Variants in TRPV3 observed in about 807,000 individuals in gnomAD.
The protein encoded by TRPV3 is transient receptor potential cation channel subfamily V member 3, also known as VRL-3.
In TRPV3, 88 loss-of-function variants were observed where a neutral mutation model predicts 87.1. That is an observed-to-expected ratio of 1.01 (90% confidence interval 0.85 to 1.21). The LOEUF (loss-of-function observed/expected upper bound fraction) is 1.21. Among genes scored for constraint, TRPV3 ranks in the 50% most tolerant of loss-of-function variants. The probability of loss-of-function intolerance (pLI) is 0.00; values close to 1 mark genes in which losing one functional copy is unlikely to be tolerated. For synonymous variants in TRPV3, 438 were observed against 423.3 expected (o/e 1.03, Z -0.43); for missense variants, 1,054 against 1,030.1 (o/e 1.02, Z -0.32).
At chr17:3,534,569 C>T (rs1048810443) in intron 7 of TRPV3, among the ~76,000 whole-genome samples, 2 of 151,998 alleles carry the variant, frequency 1.3e-5, no homozygotes, top group Admixed American at 6.6e-5. Context: ...TGAACCAACT[C>T]GACGCACTGT....
At chr17:3,529,738 C>G (rs1461554879) in intron 9 of TRPV3, among the ~76,000 whole-genome samples, 1 of 152,122 alleles carries the variant, frequency 6.6e-6, no homozygotes, top group Non-Finnish European at 1.5e-5. Flanking sequence ...CACCCACACC[C>G]ACACCCAAAC....
chr17:3,535,243 CCCCTCCTTA>C (rs2074393014), intron 7 of TRPV3, among the ~76,000 whole-genome samples: 1 of 109,484 alleles, frequency 9.1e-6, no homozygotes, highest in Admixed American at 8.7e-5. Context: ...TCCCTCCCTC[CCCCTCCTTA>C]CTCCTCCTCC....
intron 13 of TRPV3, among the ~76,000 whole-genome samples, chr17:3,523,802 A>G (rs2074268487): frequency 6.6e-6 from 1 of 151,966 alleles, no homozygotes; most frequent in East Asian, 1.9e-4. Context: ...GTATATTTTC[A>G]TTATTTGCAA....
intron 6 of TRPV3, among the ~76,000 whole-genome samples, chr17:3,537,450 T>C (rs934244341): frequency 8.5e-5 from 13 of 152,314 alleles, no homozygotes; most frequent in African/African-American, 2.6e-4. Flanking sequence ...TTAAAATTTT[T>C]TGTAGAGACA....
In TRPV3 at chr17:3,528,007, G is replaced by T; in HGVS notation, c.1503+18C>A. 1 of 1,603,104 alleles carries T rather than the reference G, an allele frequency of 6.2e-7. No individual in the cohort carries two copies. ...CTGCCTCGCGGGGCGGTCTGGAAGG[G>T]CCGGGTGGCCCACTTACCTCTTTCA... On this transcript the variant is annotated intron_variant, in intron 11 of 17. Coordinates refer to ENST00000576742, the MANE Select transcript of TRPV3 (RefSeq NM_145068.4). The surrounding 1 kb of genome is among the most constrained non-coding windows in gnomAD (Gnocchi z 4.2).
intron 14 of TRPV3, among the ~76,000 whole-genome samples, chr17:3,519,988 G>A (rs2074232078): frequency 1.5e-5 from 2 of 132,580 alleles, no homozygotes; most frequent in African/African-American, 2.6e-5. Flanking sequence ...ATGGATGGAT[G>A]GATGGATGGA....
chr17:3,549,322 G>A (rs2074552035), intron 2 of TRPV3, among the ~76,000 whole-genome samples: 1 of 152,184 alleles, frequency 6.6e-6, no homozygotes, highest in Non-Finnish European at 1.5e-5. Flanking sequence ...TGAACAAGTG[G>A]ACAAAATTTC....
At chr17:3,524,488 AC>A in intron 12 of TRPV3, 125 bp from the exon 13 acceptor site, 3 of 1,203,558 alleles carry the variant, frequency 2.5e-6, no homozygotes, top group Non-Finnish European at 3.5e-6. Flanking sequence ...TGCTGAAGAG[AC>A]CAGAATCACG....
rs759313822 is a variant in TRPV3 at position 3,543,573 on chromosome 17, T to A, written c.367A>T (p.Ile123Phe). 6.2e-7 allele frequency: 1 copy of A among 1,614,170 alleles called. No homozygotes were observed. Among genetic ancestry groups the A allele is most frequent in the African/African-American group, 1.3e-5 (1 of 75,070 alleles). Reference sequence around the variant, plus strand: ...CAGCCCTCAGACACGGCTGCAAAGATGCGCTTCTTCAGCCGCCTCTTTTTC... The same window carrying A: ...CAGCCCTCAGACACGGCTGCAAAGAAGCGCTTCTTCAGCCGCCTCTTTTTC... ...RRKKRRLKKR[I>F]FAAVSEGCVE... Residue 123 changes from isoleucine (I) to phenylalanine (F), a missense_variant, in exon 5 of 18, where the codon ATC (isoleucine) becomes TTC (phenylalanine). By Grantham distance (21) the Ile-to-Phe change is conservative (BLOSUM62 0). Coordinates refer to ENST00000576742, the MANE Select transcript of TRPV3 (RefSeq NM_145068.4).
At chr17:3,550,253 G>A (rs2074561459) in intron 2 of TRPV3, among the ~76,000 whole-genome samples, 2 of 152,092 alleles carry the variant, frequency 1.3e-5, no homozygotes, top group African/African-American at 4.8e-5. Context: ...TCTCTCATAA[G>A]AAGATGAGGA....
At position 3,545,568 on chromosome 17, in the gene TRPV3, G is replaced by A. The variant is rs147325406; in HGVS notation, c.120-297C>T. On this transcript the variant is annotated intron_variant, in intron 2 of 17. Coordinates refer to ENST00000576742, the MANE Select transcript of TRPV3 (RefSeq NM_145068.4). ...TTTTGCCAAGGTTGAGGACACACCCGGGAAGAAGACACACAAGCCCCAGTA... is the reference window on the plus strand; with the variant it reads ...TTTTGCCAAGGTTGAGGACACACCCAGGAAGAAGACACACAAGCCCCAGTA... Among the ~76,000 whole-genome samples the A allele has an allele frequency of 2.0e-3, 301 of 152,168 alleles. 1 individual carries two copies. Among genetic ancestry groups the A allele is most frequent in the African/African-American group, 6.7e-3 (280 of 41,490 alleles).
chr17:3,514,326 G>A (rs1467317832), intron 17 of TRPV3: 7 of 518,098 alleles, frequency 1.4e-5, no homozygotes, highest in South Asian at 2.4e-5. Context: ...TGATTCACCC[G>A]ACTCGTCCTC....
In TRPV3 at chr17:3,517,490, G is replaced by A. The variant is rs562879602; in HGVS notation, c.2086-921C>T. Among the ~76,000 whole-genome samples the A allele has an allele frequency of 5.9e-5, 9 of 151,676 alleles. No homozygotes were observed. The South Asian group carries it at 6.3e-4, about 11-fold the overall frequency. On this transcript the variant is annotated intron_variant, in intron 15 of 17. Transcript: ENST00000576742. ...AAAAATGACCCAGGTGTGGTGGCGCGTGCCTGTAATCCCAGCTACTTGGGA... is the reference window on the plus strand; with the variant it reads ...AAAAATGACCCAGGTGTGGTGGCGCATGCCTGTAATCCCAGCTACTTGGGA...
rs1391173404 is a variant in TRPV3 at position 3,532,745 on chromosome 17, A to G, written c.977T>C (p.Leu326Pro). 6.2e-7 allele frequency: 1 copy of G among 1,614,156 alleles called. No homozygotes were observed. Among genetic ancestry groups the G allele is most frequent in the African/African-American group, 1.3e-5 (1 of 74,962 alleles). ...FVKRMYDMIL[L>P]RSGNWELETT... ...CTCCAGCTCCCAGTTGCCACTCCGC[A>G]GTAGGATCATGTCGTACATGCGCTT... is the stretch of plus-strand genomic sequence containing the variant. The change falls in exon 8 of 18, where the codon CTG becomes CCG. Residue 326 changes from leucine to proline, a missense_variant. Leu to Pro is a moderately conservative substitution (Grantham distance 98). Coordinates refer to ENST00000576742, the MANE Select transcript of TRPV3 (RefSeq NM_145068.4).
chr17:3,511,098 A>C lies in TRPV3; in HGVS notation c.*2819T>G, dbSNP rs548765059. 2 of 152,356 alleles carry C rather than the reference A, an allele frequency of 1.3e-5. No individual in the cohort carries two copies. The highest frequency in any genetic ancestry group is 4.8e-5 in the African/African-American group (2 of 41,570). 9.4% of individuals were successfully genotyped at this position (152,356 alleles called of 1,614,324 possible). A position where few individuals can be genotyped will look rare whatever the true frequency, so the allele number is the denominator to read the frequency against. On this transcript the variant is annotated 3_prime_UTR_variant, in exon 18 of 18. Coordinates refer to ENST00000576742, the MANE Select transcript of TRPV3 (RefSeq NM_145068.4). ...AACACCTTCCCCTGAAATTACTGAA[A>C]TGTCAATCACGGAGTTTTAGGATGT... is the stretch of plus-strand genomic sequence containing the variant.
At chr17:3,522,153 T>A (rs1329306451) in intron 13 of TRPV3, among the ~76,000 whole-genome samples, 1 of 152,214 alleles carries the variant, frequency 6.6e-6, no homozygotes, top group Non-Finnish European at 1.5e-5. Flanking sequence ...CGTCCAGTTA[T>A]TTCACTATAT....
intron 6 of TRPV3, among the ~76,000 whole-genome samples, chr17:3,542,043 G>A (rs888479537): frequency 6.6e-5 from 10 of 152,014 alleles, no homozygotes; most frequent in African/African-American, 2.4e-4. Context: ...TGCAACCTCC[G>A]CCTCCTGGGT....
At chr17:3,535,477 C>T in intron 7 of TRPV3, 96 bp downstream of exon 7, 1 of 1,306,902 alleles carries the variant, frequency 7.7e-7, no homozygotes, top group Non-Finnish European at 1.0e-6. Context: ...TTCTTCCCCC[C>T]TCCTCCCTTC....
intron 15 of TRPV3, among the ~76,000 whole-genome samples, chr17:3,517,551 A>T (rs1043551865): frequency 4.9e-5 from 7 of 144,258 alleles, no homozygotes; most frequent in African/African-American, 1.8e-4. Flanking sequence ...CCCGGGAGGC[A>T]GAGTTTGCAG....
Sources: gnomAD v4.1 joint callset for allele counts (sites outside exome capture counted in the v4.1 genomes callset) on GRCh38, gnomAD v4.1.1 for gene constraint, Gnocchi (gnomAD v3.1) non-coding constraint, MANE v1.5 for transcripts, NCBI Gene and HGNC (gene_info 2026-07-23, HGNC 2026-07-21) for gene names.